The following CD44 variants were observed in gnomAD, a reference collection of about 807,000 sequenced individuals.
The protein encoded by CD44 is CD44 molecule (IN blood group).
A neutral mutation model predicts 88.8 loss-of-function variants in CD44; 49 were observed. That is an observed-to-expected ratio of 0.55 (90% CI 0.44 to 0.70). CD44 has a LOEUF of 0.70. Among genes scored for constraint, CD44 ranks in the 30% least tolerant of loss-of-function variants. The pLI, the probability that CD44 is intolerant of heterozygous loss-of-function variation, is 0.00. For missense variants in CD44, 883 were observed against 913.8 expected, an observed-to-expected ratio of 0.97 and a Z score of 0.43; for synonymous variants, 325 against 312.3, an observed-to-expected ratio of 1.04 and a Z score of -0.43.
rs750126636 is a variant in CD44 at position 35,171,037 on chromosome 11, G to A, written c.68-5538G>A. On this transcript the variant is annotated intron_variant, in intron 1 of 17. Transcript: ENST00000428726. ...CATAGGAATGTTTTAAGGATAAAAT[G>A]AGTAAATAATTCTAAAGTGCCTAAA... 3.9e-5 allele frequency among the ~76,000 whole-genome samples: 6 copies of A among 152,178 alleles called. No homozygotes were observed. The South Asian group carries it at 6.2e-4, about 16-fold the overall frequency.
At position 35,189,914 on chromosome 11, in the gene CD44, C is replaced by A. The variant is rs901729150; in HGVS notation, c.516C>A (p.Asn172Lys). 1 of 1,614,040 alleles carries A rather than the reference C, an allele frequency of 6.2e-7. No homozygotes were observed. Among genetic ancestry groups the A allele is most frequent in the Non-Finnish European group, 8.5e-7 (1 of 1,180,018 alleles). Residue 172 changes from asparagine to lysine, a missense_variant, in exon 5 of 18, where the codon AAC (asparagine) becomes AAA (lysine). Transcript: ENST00000428726. ...RTNPEDIYPS[N>K]PTDDDVSSGS... ...ATCCTGAAGACATCTACCCCAGCAA[C>A]CCTACTGATGATGACGTGAGCAGCG...
intron 3 of CD44, 30 bp from the exon 4 acceptor site, chr11:35,186,802 G>A (rs772778445): frequency 1.5e-5 from 20 of 1,337,868 alleles, no homozygotes; most frequent in South Asian, 1.1e-4. Flanking sequence ...GTTTTTAAAG[G>A]GTTCTCATCC....
chr11:35,147,835 T>C (rs1426868797), intron 1 of CD44, among the ~76,000 whole-genome samples: 1 of 152,072 alleles, frequency 6.6e-6, no homozygotes, highest in East Asian at 1.9e-4. Flanking sequence ...ACACCTGTAA[T>C]CCCAGCACTT....
intron 1 of CD44, among the ~76,000 whole-genome samples, chr11:35,152,337 A>G (rs1275593612): frequency 2.6e-5 from 4 of 152,208 alleles, no homozygotes; most frequent in Non-Finnish European, 5.9e-5. Context: ...AGGTAAGATA[A>G]GATAGAACCA....
intron 2 of CD44, 32 bp from the exon 3 acceptor site, chr11:35,180,242 T>C (rs1259038257): frequency 1.7e-5 from 28 of 1,612,154 alleles, no homozygotes; most frequent in Non-Finnish European, 2.3e-5. Flanking sequence ...CTTAGCCATT[T>C]AGGTCAATAT....
chr11:35,164,422 C>A (rs1943026696), intron 1 of CD44, among the ~76,000 whole-genome samples: 1 of 152,164 alleles, frequency 6.6e-6, no homozygotes, highest in African/African-American at 2.4e-5. Context: ...ATTAGCAGCT[C>A]CATACATTGC....
intron 12 of CD44, among the ~76,000 whole-genome samples, chr11:35,208,510 A>G (rs568654172): frequency 3.9e-5 from 6 of 152,236 alleles, no homozygotes; most frequent in Non-Finnish European, 8.8e-5. Context: ...CACTTCCAGG[A>G]TAGTGATTTC....
At chr11:35,146,720 T>C (rs1227175710) in intron 1 of CD44, among the ~76,000 whole-genome samples, 1 of 152,226 alleles carries the variant, frequency 6.6e-6, no homozygotes, top group Non-Finnish European at 1.5e-5. Context: ...TCTTTGTCAC[T>C]ATGTTAGAGT....
intron 3 of CD44, among the ~76,000 whole-genome samples, chr11:35,180,846 G>A (rs545204763): frequency 1.3e-5 from 2 of 152,320 alleles, no homozygotes; most frequent in African/African-American, 4.8e-5. Context: ...GGACAAGCTT[G>A]CCCTATATGA....
At chr11:35,166,752 C>A (rs1943321156) in intron 1 of CD44, among the ~76,000 whole-genome samples, 1 of 152,238 alleles carries the variant, frequency 6.6e-6, no homozygotes, top group South Asian at 2.1e-4. Flanking sequence ...CAACCCAGGG[C>A]ACATTCTGGA....
At chr11:35,203,547 G>A (rs941703162) in intron 9 of CD44, among the ~76,000 whole-genome samples, 3 of 152,024 alleles carry the variant, frequency 2.0e-5, no homozygotes, top group Admixed American at 6.6e-5. Flanking sequence ...TGGCTTGGCC[G>A]ATGGAAGGGT....
At chr11:35,166,479 A>G (rs1444234604) in intron 1 of CD44, among the ~76,000 whole-genome samples, 1 of 152,136 alleles carries the variant, frequency 6.6e-6, no homozygotes, top group Non-Finnish European at 1.5e-5. Context: ...CAAACTCTCA[A>G]AACAACCCAA....
At chr11:35,157,329 A>G (rs35302120) in intron 1 of CD44, among the ~76,000 whole-genome samples, 12,724 of 142,044 alleles carry the variant, frequency 0.09, 647 homozygotes, top group South Asian at 0.17. Context: ...CTGTCTATCT[A>G]TCTATCTATC....
intron 17 of CD44, among the ~76,000 whole-genome samples, chr11:35,228,843 A>G (rs1949901082): frequency 6.6e-6 from 1 of 152,132 alleles, no homozygotes; most frequent in African/African-American, 2.4e-5. Flanking sequence ...CTGATTCAGC[A>G]GGTTTGGGGT....
At chr11:35,195,497 A>G (rs1946652912) in intron 5 of CD44, among the ~76,000 whole-genome samples, 1 of 152,120 alleles carries the variant, frequency 6.6e-6, no homozygotes, top group South Asian at 2.1e-4. Flanking sequence ...TTCATAGGAC[A>G]AAGAATGTGA....
At chr11:35,165,348 G>T (rs1040942888) in intron 1 of CD44, among the ~76,000 whole-genome samples, 1 of 152,220 alleles carries the variant, frequency 6.6e-6, no homozygotes, top group Non-Finnish European at 1.5e-5. Flanking sequence ...TGGAAAATCT[G>T]AGTTGAGATC....
At chr11:35,157,321 G>GTCTATCTATCTATCTA (rs3838798) in intron 1 of CD44, among the ~76,000 whole-genome samples, 35 of 147,288 alleles carry the variant, frequency 2.4e-4, no homozygotes, top group East Asian at 4.0e-4. Flanking sequence ...CTGTCTGTCT[G>GTCTATCTATCTATCTA]TCTATCTATC....
intron 3 of CD44, among the ~76,000 whole-genome samples, chr11:35,186,057 A>C (rs896030246): frequency 1.3e-5 from 2 of 152,148 alleles, no homozygotes; most frequent in Non-Finnish European, 2.9e-5. Context: ...AACAAGAGAA[A>C]AAAAAAACCA....
At chr11:35,175,570 A>T (rs911621038) in intron 1 of CD44, among the ~76,000 whole-genome samples, 2 of 152,226 alleles carry the variant, frequency 1.3e-5, no homozygotes, top group Non-Finnish European at 2.9e-5. Flanking sequence ...CTGGAAGAAG[A>T]TATAGAAAAG....
Sources: gnomAD v4.1 joint callset for allele counts (sites outside exome capture counted in the v4.1 genomes callset) on GRCh38, gnomAD v4.1.1 for gene constraint, MANE v1.5 for transcripts, NCBI Gene and HGNC (gene_info 2026-07-23, HGNC 2026-07-21) for gene names.